The following RABGAP1L variants were observed in gnomAD, a reference collection of about 807,000 sequenced individuals.
RABGAP1L encodes the protein RAB GTPase activating protein 1 like.
RABGAP1L carries 63 observed loss-of-function variants against 137.7 expected under a neutral mutation model. The observed-to-expected ratio is 0.46, with a 90% CI of 0.37 to 0.56. The LOEUF (loss-of-function observed/expected upper bound fraction) is 0.56, where lower values mean the gene tolerates loss of function less well. Among genes scored for constraint, RABGAP1L ranks in the 20% least tolerant of loss-of-function variants. The pLI is 0.00. For synonymous variants in RABGAP1L, 431 were observed against 433.7 expected, an observed-to-expected ratio of 0.99 and a Z score of 0.08; for missense variants, 1,095 against 1,244.0, an observed-to-expected ratio of 0.88 and a Z score of 1.80.
intron 14 of RABGAP1L, among the ~76,000 whole-genome samples, chr1:174,645,978 A>G (rs542663775): frequency 1.3e-5 from 2 of 152,174 alleles, no homozygotes; most frequent in African/African-American, 4.8e-5. Context: ...GCTTTTTTTC[A>G]TATGTTTGTT....
At position 174,712,170 on chromosome 1, in the gene RABGAP1L, A is replaced by G. The variant is rs569144413; in HGVS notation, c.2169+9914A>G. On this transcript the variant is annotated intron_variant, in intron 17 of 25. Coordinates refer to ENST00000681986, the MANE Select transcript of RABGAP1L (RefSeq NM_001366446.1). ...TAAAACGGACCAATCAGCTCTCTGT[A>G]AAACAGACCAATCAGCAGGATGTGG... 7.9e-5 allele frequency among the ~76,000 whole-genome samples: 12 copies of G among 152,330 alleles called. No individual in the cohort carries two copies. The East Asian group carries it at 1.7e-3, about 22-fold the overall frequency.
At chr1:174,808,222 C>T (rs551760035) in intron 18 of RABGAP1L, among the ~76,000 whole-genome samples, 28 of 152,016 alleles carry the variant, frequency 1.8e-4, no homozygotes, top group African/African-American at 6.0e-4. Context: ...CTCCTGATCT[C>T]GTGATCTGCC....
rs185898389 is a variant in RABGAP1L at position 174,204,345 on chromosome 1, G to A, written c.-33-14780G>A. 9.7e-4 allele frequency among the ~76,000 whole-genome samples: 147 copies of A among 152,188 alleles called. 1 individual carries two copies. The highest frequency in any genetic ancestry group is 2.8e-3 in the African/African-American group (117 of 41,536). On this transcript the variant is annotated intron_variant, in intron 1 of 25. Transcript: ENST00000681986. ...ACTGGGGCTTTCTAGATATAGAGTC[G>A]TGTTATCTGTAAACAGAGATAGTTT...
chr1:174,850,266 C>A (rs1483923031), intron 19 of RABGAP1L: 2 of 242,626 alleles, frequency 8.2e-6, no homozygotes, highest in East Asian at 1.0e-4. Flanking sequence ...TCTACTGAGG[C>A]CTTGGTGATT....
intron 13 of RABGAP1L, among the ~76,000 whole-genome samples, chr1:174,599,938 A>G (rs1670287075): frequency 6.6e-6 from 1 of 151,734 alleles, no homozygotes; most frequent in African/African-American, 2.4e-5. Context: ...ACCTCTCACT[A>G]CCTCCTCTTT....
At chr1:174,221,234 A>T (rs1669732027) in intron 3 of RABGAP1L, 70 bp downstream of exon 3, 1 of 1,235,636 alleles carries the variant, frequency 8.1e-7, no homozygotes, top group Non-Finnish European at 1.1e-6. Flanking sequence ...TTAAGATGAA[A>T]ATCAGAAAAA....
intron 13 of RABGAP1L, among the ~76,000 whole-genome samples, chr1:174,431,696 A>C (rs912182260): frequency 6.6e-6 from 1 of 152,206 alleles, no homozygotes; most frequent in Non-Finnish European, 1.5e-5. Flanking sequence ...AGAGTTATGT[A>C]TTATTTTTAA....
At chr1:174,479,277 C>G (rs932517799) in intron 13 of RABGAP1L, among the ~76,000 whole-genome samples, 1 of 152,178 alleles carries the variant, frequency 6.6e-6, no homozygotes, top group Non-Finnish European at 1.5e-5. Context: ...CTAGTGCTTC[C>G]TAATGCATTT....
intron 19 of RABGAP1L, among the ~76,000 whole-genome samples, chr1:174,907,701 A>G (rs1172736837): frequency 6.6e-6 from 1 of 152,160 alleles, no homozygotes; most frequent in Non-Finnish European, 1.5e-5. Flanking sequence ...AAAACCTATA[A>G]TAGATTCACT....
chr1:174,682,945 T>G (rs1452323939), intron 14 of RABGAP1L, among the ~76,000 whole-genome samples: 1 of 152,174 alleles, frequency 6.6e-6, no homozygotes, highest in African/African-American at 2.4e-5. Context: ...TGCTAAATAT[T>G]TCTGGTTTGC....
At position 174,349,413 on chromosome 1, in the gene RABGAP1L, C is replaced by A. The variant is rs1249625080; in HGVS notation, c.1466-21566C>A. On this transcript the variant is annotated intron_variant, in intron 11 of 25. Coordinates refer to ENST00000681986, the MANE Select transcript of RABGAP1L (RefSeq NM_001366446.1). ...GCGGCTGGCCGGGTGGGGGGCTGAC[C>A]CCCCCACCTCCCTCCCGGACGAGGC... 2.7e-3 allele frequency among the ~76,000 whole-genome samples: 356 copies of A among 131,168 alleles called. 1 individual carries two copies. The highest frequency in any genetic ancestry group is 6.2e-3 in the Middle Eastern group (1 of 162). The allele number at this position is 131,168 out of a possible 152,430, so 86.1% of individuals were successfully genotyped here.
chr1:174,939,539 C>G (rs1665472423), intron 19 of RABGAP1L, among the ~76,000 whole-genome samples: 1 of 141,098 alleles, frequency 7.1e-6, no homozygotes, highest in African/African-American at 2.9e-5. Flanking sequence ...CAGCGAGACT[C>G]TGTCTCACAA....
chr1:174,642,595 GCC>G (rs1487641214), intron 14 of RABGAP1L, among the ~76,000 whole-genome samples: 2 of 151,958 alleles, frequency 1.3e-5, no homozygotes, highest in Non-Finnish European at 2.9e-5. Context: ...GTCTGAATGA[GCC>G]CTAGTTGAAA....
At chr1:174,450,259 A>C (rs2149255825) in intron 13 of RABGAP1L, among the ~76,000 whole-genome samples, 1 of 152,244 alleles carries the variant, frequency 6.6e-6, no homozygotes, top group South Asian at 2.1e-4. Flanking sequence ...ATAAAACATG[A>C]ATCTTTTTTG....
chr1:174,260,072 A>G (rs563577473), intron 7 of RABGAP1L, among the ~76,000 whole-genome samples: 1 of 152,218 alleles, frequency 6.6e-6, no homozygotes, highest in South Asian at 2.1e-4. Flanking sequence ...TGACCTCGTG[A>G]TCTGCCCGCC....
At chr1:174,254,150 A>G (rs1408779505) in intron 7 of RABGAP1L, among the ~76,000 whole-genome samples, 1 of 151,926 alleles carries the variant, frequency 6.6e-6, no homozygotes, top group Non-Finnish European at 1.5e-5. Flanking sequence ...CCATCTTTGA[A>G]TCCTGCCAGG....
intron 19 of RABGAP1L, among the ~76,000 whole-genome samples, chr1:174,842,279 C>G (rs548295867): frequency 6.6e-6 from 1 of 152,272 alleles, no homozygotes; most frequent in South Asian, 2.1e-4. Flanking sequence ...AGTAGTGATG[C>G]CTGTCTTCCT....
At chr1:174,616,092 G>C (rs952917225) in intron 13 of RABGAP1L, among the ~76,000 whole-genome samples, 11 of 152,218 alleles carry the variant, frequency 7.2e-5, no homozygotes, top group Non-Finnish European at 1.6e-4. Context: ...CCACTGTCCT[G>C]TGCCCACTGT....
chr1:174,298,063 G>T (rs1443858724), intron 10 of RABGAP1L, among the ~76,000 whole-genome samples: 2 of 152,178 alleles, frequency 1.3e-5, no homozygotes, highest in Admixed American at 6.5e-5. Context: ...AAAAAAGAGG[G>T]TGCCTTTTAA....
Sources: gnomAD v4.1 joint callset for allele counts (sites outside exome capture counted in the v4.1 genomes callset) on GRCh38, gnomAD v4.1.1 for gene constraint, MANE v1.5 for transcripts, NCBI Gene and HGNC (gene_info 2026-07-23, HGNC 2026-07-21) for gene names.